The following SF1 variants were observed in gnomAD, a reference collection of about 807,000 sequenced individuals.
The protein encoded by SF1 is branch point-binding protein.
A neutral mutation model predicts 62.5 loss-of-function variants in SF1; 7 were observed. The observed-to-expected ratio is 0.11, with a 90% confidence interval of 0.06 to 0.21. SF1 has a LOEUF of 0.21. SF1 is among the 10% of genes least tolerant of loss of function. The pLI, the probability that SF1 is intolerant of heterozygous loss-of-function variation, is 1.00. For missense variants in SF1, 578 were observed against 884.0 expected (o/e 0.65, Z 4.39); for synonymous variants, 394 against 323.6 (o/e 1.22, Z -2.33).
intron 1 of SF1, 117 bp downstream of exon 1, chr11:64,778,245 G>A (rs1939730696): frequency 1.7e-6 from 2 of 1,200,938 alleles, no homozygotes; most frequent in South Asian, 4.2e-5. Context: ...ACGGGCGGGG[G>A]CGGCGGCGGC....
chr11:64,773,787 A>G (rs1565577230), intron 2 of SF1, among the ~76,000 whole-genome samples: 1 of 152,336 alleles, frequency 6.6e-6, no homozygotes, highest in East Asian at 1.9e-4. Flanking sequence ...CTAACATCCA[A>G]GCAATTATTA....
intron 2 of SF1, among the ~76,000 whole-genome samples, chr11:64,773,813 C>G (rs1204424242): frequency 6.6e-6 from 1 of 152,204 alleles, no homozygotes; most frequent in Non-Finnish European, 1.5e-5. Flanking sequence ...TGTTTCACCT[C>G]TTCCTCCCCA....
At chr11:64,777,628 G>A (rs1215557304) in intron 1 of SF1, 23 of 985,458 alleles carry the variant, frequency 2.3e-5, no homozygotes, top group Non-Finnish European at 2.7e-5. Flanking sequence ...ACGCCCTGCT[G>A]GCATTCACAG....
At chr11:64,766,194 G>A (rs973169220) in intron 12 of SF1, 39 bp from the exon 13 acceptor site, 7 of 1,546,424 alleles carry the variant, frequency 4.5e-6, no homozygotes, top group African/African-American at 1.4e-5. Context: ...ACGCGCGGGG[G>A]CACACCGCGG....
chr11:64,778,476 G>A lies in SF1; in HGVS notation c.-84C>T. 8.3e-7 allele frequency: 1 copy of A among 1,203,762 alleles called. No homozygotes were observed. The highest frequency in any genetic ancestry group is 1.0e-6 in the Non-Finnish European group (1 of 968,974). The allele number at this position is 1,203,762 out of a possible 1,614,324, so 74.6% of individuals were successfully genotyped here. A position where few individuals can be genotyped will look rare whatever the true frequency, so the allele number is the denominator to read the frequency against. Reference sequence around the variant, plus strand: ...CAAGCCTCCCGGGGGGAGGGGACCCGAATGCGCTGCCGGAGCGCGCGGAGC... The same window carrying A: ...CAAGCCTCCCGGGGGGAGGGGACCCAAATGCGCTGCCGGAGCGCGCGGAGC... On this transcript the variant is annotated 5_prime_UTR_variant, in exon 1 of 13. Transcript: ENST00000377390.
chr11:64,774,420 G>A (rs1462012907), intron 2 of SF1, among the ~76,000 whole-genome samples: 1 of 152,230 alleles, frequency 6.6e-6, no homozygotes, highest in Non-Finnish European at 1.5e-5. Context: ...GGGAACTGCA[G>A]AGCCAGAGCA....
intron 1 of SF1, chr11:64,777,642 G>C (rs1208265795): frequency 1.1e-5 from 11 of 985,514 alleles, no homozygotes; most frequent in Non-Finnish European, 2.4e-6. Context: ...TTCACAGCTA[G>C]CACCCCGTCC....
At position 64,776,589 on chromosome 11, in the gene SF1, G is replaced by C; in HGVS notation, c.69C>G (p.Asn23Lys). The C allele has an allele frequency of 6.3e-7, 1 of 1,593,618 alleles. No homozygotes were observed. Among genetic ancestry groups the C allele is most frequent in the Non-Finnish European group, 8.5e-7 (1 of 1,173,118 alleles). Residue 23 changes from asparagine to lysine, a missense_variant, in exon 2 of 13, where the codon AAC becomes AAG. Physicochemically the swap from Asn to Lys is moderately conservative, Grantham distance 94. Transcript: ENST00000377390. The part of the protein sequence containing the change: ...PSKKRKRSRW[N>K]QDTMEQKTVI... ...CTGTCTTCTGTTCCATTGTGTCTTG[G>C]TTCCAGCGGCTCCTCTTCCGCTTCT...
intron 2 of SF1, among the ~76,000 whole-genome samples, chr11:64,775,011 T>C (rs565313431): frequency 2.6e-5 from 4 of 151,148 alleles, no homozygotes; most frequent in African/African-American, 7.3e-5. Flanking sequence ...AAGCAGTATG[T>C]ACCGTGGGAG....
At chr11:64,771,729 CAAGAA>C in intron 3 of SF1, 4 of 985,366 alleles carry the variant, frequency 4.1e-6, no homozygotes, top group Non-Finnish European at 4.8e-6. Flanking sequence ...TTTAAGTCTA[CAAGAA>C]AAGTTTTAAA....
intron 3 of SF1, chr11:64,771,805 T>A: frequency 1.0e-6 from 1 of 985,328 alleles, no homozygotes; most frequent in Non-Finnish European, 1.2e-6. Context: ...TTAAGTGATA[T>A]AACACCTTTT....
chr11:64,770,592 T>C, intron 3 of SF1, 184 bp from the exon 4 acceptor site: 1 of 627,380 alleles, frequency 1.6e-6, no homozygotes, highest in South Asian at 2.2e-5. Flanking sequence ...TGGCTTAACG[T>C]TAGGGGTCTG....
chr11:64,773,182 A>C, intron 3 of SF1: 1 of 1,332,308 alleles, frequency 7.5e-7, no homozygotes, highest in Non-Finnish European at 9.6e-7. Context: ...CTACATGCTT[A>C]CCAATTGGAA....
chr11:64,770,100 C>A, intron 4 of SF1, 47 bp from the exon 5 acceptor site: 1 of 1,582,600 alleles, frequency 6.3e-7, no homozygotes, highest in Non-Finnish European at 8.7e-7. Flanking sequence ...GAGAATGACA[C>A]AGCCAGCGGC....
chr11:64,768,306 A>C lies in SF1; in HGVS notation c.888-20T>G, dbSNP rs1358063611. 4.4e-6 allele frequency: 7 copies of C among 1,607,180 alleles called. No individual in the cohort carries two copies. Among genetic ancestry groups the C allele is most frequent in the Non-Finnish European group, 5.9e-6 (7 of 1,177,754 alleles). ...CCAGGCCTGAAGTGGGGTGGGGGAC[A>C]CAAACAGAGAAAGGGGAAAAACTTG... is the stretch of plus-strand genomic sequence containing the variant. On this transcript the variant is annotated intron_variant, in intron 8 of 12. Transcript: ENST00000377390.
intron 8 of SF1, 145 bp from the exon 9 acceptor site, chr11:64,768,431 T>C (rs1937708112): frequency 5.4e-6 from 4 of 745,856 alleles, no homozygotes; most frequent in East Asian, 5.5e-5. Flanking sequence ...TTACTGGGCA[T>C]GGCTCTCAAC....
At chr11:64,773,526 A>C in intron 2 of SF1, 21 bp from the exon 3 acceptor site, 1 of 1,598,070 alleles carries the variant, frequency 6.3e-7, no homozygotes, top group Non-Finnish European at 8.5e-7. Flanking sequence ...CCAGGTTAGG[A>C]AAGAAAAAAA....
At chr11:64,778,156 A>G in intron 1 of SF1, 1 of 761,426 alleles carries the variant, frequency 1.3e-6, no homozygotes, top group Non-Finnish European at 1.6e-6. Flanking sequence ...GCTGCTGGGG[A>G]GGCGGAGGGG....
intron 3 of SF1, chr11:64,772,771 C>T: frequency 1.0e-6 from 1 of 985,112 alleles, no homozygotes; most frequent in Non-Finnish European, 1.2e-6. Context: ...ATGACATGAC[C>T]ACAGCTGTTT....
Sources: gnomAD v4.1 joint callset for allele counts (sites outside exome capture counted in the v4.1 genomes callset) on GRCh38, gnomAD v4.1.1 for gene constraint, MANE v1.5 for transcripts, NCBI Gene and HGNC (gene_info 2026-07-23, HGNC 2026-07-21) for gene names.